The following THSD4 variants were observed in gnomAD, a reference collection of about 807,000 sequenced individuals.
THSD4 encodes the protein thrombospondin type-1 domain-containing protein 4.
THSD4 carries 69 observed loss-of-function variants against 119.0 expected under a neutral mutation model. That is an observed-to-expected ratio of 0.58 (90% confidence interval 0.48 to 0.71). The LOEUF (loss-of-function observed/expected upper bound fraction) is 0.71, where lower values mean the gene tolerates loss of function less well. THSD4 is among the 30% of genes least tolerant of loss of function. THSD4 has a pLI of 0.00. For missense variants in THSD4, 1,393 were observed against 1,391.1 expected (o/e 1.00, Z -0.02); for synonymous variants, 524 against 540.4 (o/e 0.97, Z 0.42).
chr15:71,500,967 G>A (rs547881360), intron 7 of THSD4, among the ~76,000 whole-genome samples: 70 of 152,252 alleles, frequency 4.6e-4, no homozygotes, highest in African/African-American at 1.5e-3. Context: ...AGGGTCCTTG[G>A]TGGTTCCATA....
intron 2 of THSD4, among the ~76,000 whole-genome samples, chr15:71,154,256 C>T (rs2040754420): frequency 6.6e-6 from 1 of 152,250 alleles, no homozygotes; most frequent in Non-Finnish European, 1.5e-5. Context: ...TATTTCCCCA[C>T]CTCCTCTTTA....
At chr15:71,301,319 C>T (rs2044947147) in intron 6 of THSD4, among the ~76,000 whole-genome samples, 1 of 152,152 alleles carries the variant, frequency 6.6e-6, no homozygotes, top group Non-Finnish European at 1.5e-5. Flanking sequence ...AGCTTTTAGG[C>T]CAACAAAGAC....
At chr15:71,385,449 A>G (rs2119570) in intron 6 of THSD4, among the ~76,000 whole-genome samples, 2,500 of 152,346 alleles carry the variant, frequency 0.016, 37 homozygotes, top group Middle Eastern at 0.054. Flanking sequence ...GGTAGCCCTC[A>G]GAAGCAGAAC....
At chr15:71,438,095 A>C (rs1194424038) in intron 7 of THSD4, among the ~76,000 whole-genome samples, 1 of 152,020 alleles carries the variant, frequency 6.6e-6, no homozygotes, top group Admixed American at 6.6e-5. Flanking sequence ...CACCTCCCCT[A>C]CCCACCCTGG....
At chr15:71,100,169 C>T (rs146824882) in intron 1 of THSD4, among the ~76,000 whole-genome samples, 1,745 of 152,260 alleles carry the variant, frequency 0.011, 23 homozygotes, top group Middle Eastern at 0.024. Flanking sequence ...TGTTTAATCT[C>T]CACTCCTTAA....
intron 7 of THSD4, among the ~76,000 whole-genome samples, chr15:71,443,531 T>C (rs188294534): frequency 9.2e-5 from 14 of 152,308 alleles, no homozygotes; most frequent in African/African-American, 3.4e-4. Flanking sequence ...ACATCGAATT[T>C]TGCAAAGAGG....
At chr15:71,186,853 C>T (rs1035991209) in intron 3 of THSD4, 1 of 152,160 alleles carries the variant, frequency 6.6e-6, no homozygotes, top group Admixed American at 6.5e-5. Flanking sequence ...AATGAATAGT[C>T]CCCTTTCTCA....
chr15:71,650,398 G>A (rs138216312), intron 7 of THSD4, among the ~76,000 whole-genome samples: 2 of 152,266 alleles, frequency 1.3e-5, no homozygotes, highest in East Asian at 3.9e-4. Context: ...AGTAGCCCTG[G>A]GAAGCGGTGC....
At chr15:71,465,949 A>T (rs1271731689) in intron 7 of THSD4, among the ~76,000 whole-genome samples, 1 of 152,200 alleles carries the variant, frequency 6.6e-6, no homozygotes, top group Non-Finnish European at 1.5e-5. Flanking sequence ...GATGAAATTG[A>T]TGTGGAGAAG....
At chr15:71,303,012 C>T (rs1343693625) in intron 6 of THSD4, among the ~76,000 whole-genome samples, 1 of 151,938 alleles carries the variant, frequency 6.6e-6, no homozygotes, top group Non-Finnish European at 1.5e-5. Flanking sequence ...GGCCTGCCCA[C>T]CCGATACGAG....
chr15:71,268,448 G>A (rs139794117), intron 6 of THSD4, among the ~76,000 whole-genome samples: 32 of 152,262 alleles, frequency 2.1e-4, no homozygotes, highest in African/African-American at 6.7e-4. Context: ...CTAGGACACA[G>A]CTAAAGCAGT....
intron 7 of THSD4, among the ~76,000 whole-genome samples, chr15:71,550,481 G>C (rs1290172946): frequency 6.6e-6 from 1 of 152,204 alleles, no homozygotes; most frequent in East Asian, 1.9e-4. Flanking sequence ...CTGTCGCCCA[G>C]ACTGGAGTGC....
intron 6 of THSD4, among the ~76,000 whole-genome samples, chr15:71,279,876 A>G (rs958167914): frequency 6.6e-6 from 1 of 152,166 alleles, no homozygotes. Flanking sequence ...TTGGGGTAGC[A>G]GGAAGAGCAA....
At chr15:71,136,899 G>A (rs1468353976) in intron 1 of THSD4, among the ~76,000 whole-genome samples, 2 of 152,102 alleles carry the variant, frequency 1.3e-5, no homozygotes, top group African/African-American at 2.4e-5. Context: ...GCATCCCTTC[G>A]GCTCAGGGAA....
intron 8 of THSD4, among the ~76,000 whole-genome samples, chr15:71,695,459 TTAA>T (rs1183316989): frequency 6.6e-6 from 1 of 151,882 alleles, no homozygotes; most frequent in Non-Finnish European, 1.5e-5. Flanking sequence ...AGATTTTTTG[TTAA>T]TAATGTGTGT....
chr15:71,469,888 G>T (rs1006932348), intron 7 of THSD4, among the ~76,000 whole-genome samples: 1 of 152,192 alleles, frequency 6.6e-6, no homozygotes, highest in Non-Finnish European at 1.5e-5. Context: ...AATCTAGTGG[G>T]AGAACAACAT....
At chr15:71,725,671 G>T (rs903169181) in intron 8 of THSD4, among the ~76,000 whole-genome samples, 2 of 152,178 alleles carry the variant, frequency 1.3e-5, no homozygotes, top group Non-Finnish European at 2.9e-5. Context: ...ACACCCATTG[G>T]ATTTAGCAAC....
At chr15:71,450,005 C>T (rs1267475755) in intron 7 of THSD4, among the ~76,000 whole-genome samples, 1 of 152,292 alleles carries the variant, frequency 6.6e-6, no homozygotes, top group South Asian at 2.1e-4. Context: ...TGGATTGGGA[C>T]TCTGGCCTAG....
chr15:71,165,652 G>T (rs1232555702), intron 3 of THSD4, among the ~76,000 whole-genome samples: 1 of 152,186 alleles, frequency 6.6e-6, no homozygotes, highest in Non-Finnish European at 1.5e-5. Context: ...TCTCTGTACA[G>T]ATTTTTCAAC....
Sources: gnomAD v4.1 joint callset for allele counts (sites outside exome capture counted in the v4.1 genomes callset) on GRCh38, gnomAD v4.1.1 for gene constraint, MANE v1.5 for transcripts, NCBI Gene and HGNC (gene_info 2026-07-23, HGNC 2026-07-21) for gene names.